AAMDC: variants seen among roughly 807,000 people sequenced by gnomAD.
The protein encoded by AAMDC is adipogenesis associated Mth938 domain containing, also known as mth938 domain-containing protein.
In AAMDC, 16 loss-of-function variants were observed where a neutral mutation model predicts 15.5. The ratio of observed to expected loss-of-function variants is 1.03; its 90% CI spans 0.70 to 1.57. AAMDC has a LOEUF of 1.57. Ranked by LOEUF, AAMDC falls within the 40% of genes most tolerant of loss-of-function variation. The probability of loss-of-function intolerance (pLI) is 0.00; values close to 1 mark genes in which losing one functional copy is unlikely to be tolerated. For synonymous variants in AAMDC, 51 were observed against 51.6 expected (o/e 0.99, Z 0.05); for missense variants, 141 against 144.9 (o/e 0.97, Z 0.14).
chr11:77,844,634 T>G (rs1950068679), intron 2 of AAMDC, among the ~76,000 whole-genome samples: 2 of 152,174 alleles, frequency 1.3e-5, no homozygotes, highest in South Asian at 4.1e-4. Flanking sequence ...AATGCTGAGA[T>G]TACAGGCATG....
At chr11:77,830,003 C>T (rs570891449) in intron 1 of AAMDC, 8 of 152,310 alleles carry the variant, frequency 5.3e-5, no homozygotes, top group South Asian at 2.1e-4. Flanking sequence ...TGGTGATGCA[C>T]ACCTGTAGTC....
At chr11:77,892,905 C>T (rs557070976) in intron 5 of AAMDC, among the ~76,000 whole-genome samples, 1 of 151,662 alleles carries the variant, frequency 6.6e-6, no homozygotes, top group Admixed American at 6.5e-5. Context: ...TCTTAAAAAG[C>T]CAAGCTAGAT....
At chr11:77,872,945 C>T (rs1043404791), downstream of AAMDC, among the ~76,000 whole-genome samples, 1 of 152,100 alleles carries the variant, frequency 6.6e-6, no homozygotes, top group Middle Eastern at 3.4e-3. Context: ...TGAGAGACTC[C>T]GTTTCAAAAA....
At chr11:77,897,771 C>T (rs1442679163) in intron 5 of AAMDC, among the ~76,000 whole-genome samples, 1 of 151,760 alleles carries the variant, frequency 6.6e-6, no homozygotes, top group Non-Finnish European at 1.5e-5. Context: ...TCCCAAAGTG[C>T]TGGGGTTACA....
chr11:77,843,774 C>T (rs1004598979), intron 2 of AAMDC, among the ~76,000 whole-genome samples: 8 of 151,932 alleles, frequency 5.3e-5, no homozygotes, highest in African/African-American at 1.5e-4. Flanking sequence ...TTCATGCTGC[C>T]GATAAAGACA....
downstream of AAMDC, among the ~76,000 whole-genome samples, chr11:77,902,580 C>T (rs1158024243): frequency 2.6e-5 from 4 of 152,186 alleles, no homozygotes; most frequent in East Asian, 7.7e-4. Flanking sequence ...TTAACTGCCT[C>T]ATCTCTAAAA....
At chr11:77,821,663 G>A (rs746613689) in intron 1 of AAMDC, among the ~76,000 whole-genome samples, 6 of 151,896 alleles carry the variant, frequency 4.0e-5, no homozygotes, top group Non-Finnish European at 8.8e-5. Flanking sequence ...TTGAGAGGCG[G>A]AACATGACAG....
At chr11:77,856,793 C>G (rs1950642072) in intron 2 of AAMDC, among the ~76,000 whole-genome samples, 1 of 152,202 alleles carries the variant, frequency 6.6e-6, no homozygotes, top group Non-Finnish European at 1.5e-5. Flanking sequence ...CACCTCCCAC[C>G]AGTCCCCTTC....
rs755540771 is a variant in AAMDC at position 77,891,670 on chromosome 11, T to A, written c.329-8901T>A. ...ACAGATTTGGCCTACAGGGGCCAAA[T>A]AGACCCTGACCTGCTCTGGAAGCGG... is the stretch of plus-strand genomic sequence containing the variant. On this transcript the variant is annotated intron_variant, in intron 5 of 5. Transcript: ENST00000304716. 1.9e-6 allele frequency: 3 copies of A among 1,611,908 alleles called. No homozygotes were observed. In the African/African-American group the frequency reaches 4.0e-5, roughly 21 times the overall value.
chr11:77,889,719 C>T (rs984902132), intron 5 of AAMDC, among the ~76,000 whole-genome samples: 3 of 152,094 alleles, frequency 2.0e-5, no homozygotes, highest in Admixed American at 6.6e-5. Context: ...GGAATGACTC[C>T]GGGTGTGGTG....
At chr11:77,895,268 T>C (rs1015324491) in intron 5 of AAMDC, among the ~76,000 whole-genome samples, 2 of 152,132 alleles carry the variant, frequency 1.3e-5, no homozygotes, top group Non-Finnish European at 2.9e-5. Context: ...TAATATATTA[T>C]TCATTGGAGG....
chr11:77,900,939 G>A (rs1952759672), downstream of AAMDC, among the ~76,000 whole-genome samples: 1 of 152,120 alleles, frequency 6.6e-6, no homozygotes, highest in Non-Finnish European at 1.5e-5. Context: ...TTTGTACAGG[G>A]AAACAAGGTA....
chr11:77,830,416 G>A (rs749311393), intron 1 of AAMDC, among the ~76,000 whole-genome samples: 4 of 152,042 alleles, frequency 2.6e-5, no homozygotes, highest in Admixed American at 6.6e-5. Flanking sequence ...GAAATCTAGC[G>A]CCTATTGTTT....
chr11:77,876,406 T>C (rs1951596305), downstream of AAMDC, among the ~76,000 whole-genome samples: 1 of 151,988 alleles, frequency 6.6e-6, no homozygotes, highest in Non-Finnish European at 1.5e-5. Context: ...AAAGGTCTTT[T>C]TTTTTTTTTC....
intron 2 of AAMDC, chr11:77,855,502 TG>T: frequency 5.2e-6 from 1 of 192,136 alleles, no homozygotes; most frequent in Admixed American, 6.0e-5. Context: ...TCTTTTTTTT[TG>T]TATTTTTAGT....
intron 5 of AAMDC, among the ~76,000 whole-genome samples, chr11:77,897,477 T>C (rs1436084828): frequency 6.6e-6 from 1 of 151,500 alleles, no homozygotes; most frequent in Non-Finnish European, 1.5e-5. Context: ...CATAATCAGC[T>C]GAAACAAACC....
chr11:77,858,646 C>T (rs1413746224), intron 2 of AAMDC, among the ~76,000 whole-genome samples: 7 of 152,056 alleles, frequency 4.6e-5, no homozygotes, highest in Admixed American at 4.6e-4. Flanking sequence ...AACAGGAAAA[C>T]CCAAGTGCTG....
At position 77,833,007 on chromosome 11, in the gene AAMDC, A is replaced by AT. The variant is rs1413082849; in HGVS notation, c.-18-9471dup. Among the ~76,000 whole-genome samples the AT allele has an allele frequency of 1.1e-3, 56 of 51,944 alleles. 7 individuals are homozygous for AT. Among genetic ancestry groups the AT allele is most frequent in the Admixed American group, 5.9e-3 (29 of 4,942 alleles). The allele number at this position is 51,944 out of a possible 152,430, so 34.1% of individuals were successfully genotyped here. A position where few individuals can be genotyped will look rare whatever the true frequency, so the allele number is the denominator to read the frequency against. ...TGTGTGTGTGTGTGTGTATATATAT[A>AT]TATTTTTTTTTTTTTTTTTTTTGAG... is the stretch of plus-strand genomic sequence containing the variant. On this transcript the variant is annotated intron_variant, in intron 1 of 3. Transcript: ENST00000393427.
downstream of AAMDC, chr11:77,903,431 T>A: frequency 6.2e-7 from 1 of 1,607,260 alleles, no homozygotes; most frequent in Non-Finnish European, 8.5e-7. Flanking sequence ...CCACAACTTT[T>A]CCTGCAAGGC....
Sources: gnomAD v4.1 joint callset for allele counts (sites outside exome capture counted in the v4.1 genomes callset) on GRCh38, gnomAD v4.1.1 for gene constraint, MANE v1.5 for transcripts, NCBI Gene and HGNC (gene_info 2026-07-23, HGNC 2026-07-21) for gene names.